The following KCNK6 variants were observed in gnomAD, a reference collection of about 807,000 sequenced individuals.
KCNK6 encodes the protein potassium two pore domain channel subfamily K member 6.
In KCNK6, 20 loss-of-function variants were observed where a neutral mutation model predicts 21.9. That is an observed-to-expected ratio of 0.91 (90% CI 0.64 to 1.32). KCNK6 has a LOEUF of 1.32. KCNK6 is among the 40% of genes most tolerant of loss of function. KCNK6 has a pLI of 0.00. For missense variants in KCNK6, 415 were observed against 433.1 expected (o/e 0.96, Z 0.37); for synonymous variants, 210 against 218.0 (o/e 0.96, Z 0.32).
rs536192999 is a variant in KCNK6, at chr19:38,325,406, C to T, written c.323-1187C>T. On this transcript the variant is annotated intron_variant, in intron 1 of 2. Transcript: ENST00000263372. ...CTGGGATTACAGACCTGAGCCACCA[C>T]GCCTGGCCCATTGTCTCGCCCATTT... 99 of 985,562 alleles carry T rather than the reference C, an allele frequency of 1.0e-4. No homozygotes were observed. The African/African-American group carries it at 1.6e-3, about 16-fold the overall frequency. The allele number at this position is 985,562 out of a possible 1,614,324, so 61.1% of individuals were successfully genotyped here.
intron 1 of KCNK6, among the ~76,000 whole-genome samples, chr19:38,324,426 C>G (rs1190157762): frequency 6.6e-6 from 1 of 151,922 alleles, no homozygotes; most frequent in Non-Finnish European, 1.5e-5. Flanking sequence ...GACCTAGGCT[C>G]CTTCTCAGCA....
rs1175417250 is a variant in KCNK6 at position 38,328,405 on chromosome 19, T to G, written c.*1002T>G. On this transcript the variant is annotated 3_prime_UTR_variant, in exon 3 of 3. Transcript: ENST00000263372. ...ACACCATTGTAAGAGCTGTCCACAT[T>G]TGTATGTTGTGCCCTGGAATCAGCC... 5 of 152,252 alleles carry G rather than the reference T, an allele frequency of 3.3e-5. No individual in the cohort carries two copies. Among genetic ancestry groups the G allele is most frequent in the Non-Finnish European group, 7.3e-5 (5 of 68,094 alleles). The allele number at this position is 152,252 out of a possible 1,614,324, so 9.4% of individuals were successfully genotyped here.
chr19:38,324,935 C>T (rs1969691097), intron 1 of KCNK6: 1 of 151,736 alleles, frequency 6.6e-6, no homozygotes, highest in Non-Finnish European at 1.5e-5. Context: ...GTAAAATACA[C>T]ATAACATAAA....
chr19:38,325,482 A>T (rs576733660), intron 1 of KCNK6: 2 of 985,418 alleles, frequency 2.0e-6, no homozygotes, highest in African/African-American at 1.7e-5. Flanking sequence ...TGCACCCTTC[A>T]TTCTTTGTTT....
chr19:38,326,834 G>A lies in KCNK6; in HGVS notation c.564G>A (p.Pro188=), dbSNP rs766089928. The A allele has an allele frequency of 1.7e-5, 28 of 1,610,186 alleles. No individual in the cohort carries two copies. The Admixed American group carries it at 2.2e-4, about 12-fold the overall frequency. The change falls in exon 2 of 3, where the codon CCG becomes CCA. Residue 188 remains proline, a synonymous_variant. Transcript: ENST00000263372. ...GVVVTVCFLV[P]AVIFAHLEEA... ...TAGTGACCGTCTGCTTTCTGGTGCC[G>A]GCTGTGATCTTTGCCCACCTCGAGG...
intron 1 of KCNK6, among the ~76,000 whole-genome samples, chr19:38,322,405 AG>A (rs1969660829): frequency 6.6e-6 from 1 of 152,236 alleles, no homozygotes; most frequent in Admixed American, 6.5e-5. Context: ...AAGTAGAATA[AG>A]GGAGTCAGTG....
chr19:38,328,438 G>C lies in KCNK6; in HGVS notation c.*1035G>C, dbSNP rs567098588. The C allele has an allele frequency of 6.6e-6, 1 of 152,380 alleles. No homozygotes were observed. Among genetic ancestry groups the C allele is most frequent in the Non-Finnish European group, 1.5e-5 (1 of 68,078 alleles). The allele number at this position is 152,380 out of a possible 1,614,324, so 9.4% of individuals were successfully genotyped here. Reference sequence around the variant, plus strand: ...TGTGCCCTGGAATCAGCCTGGTTGAGCTCAAATCCCAACTTAGCCACGTCT... The same window carrying C: ...TGTGCCCTGGAATCAGCCTGGTTGACCTCAAATCCCAACTTAGCCACGTCT... On this transcript the variant is annotated 3_prime_UTR_variant, in exon 3 of 3. Transcript: ENST00000263372.
At chr19:38,326,493 G>A in intron 1 of KCNK6, 100 bp from the exon 2 acceptor site, 1 of 1,368,638 alleles carries the variant, frequency 7.3e-7, no homozygotes, top group Non-Finnish European at 9.9e-7. Context: ...CAAGACTGCA[G>A]TAAGCTATGA....
In KCNK6 at chr19:38,320,038, G is replaced by T; in HGVS notation, c.88G>T (p.Gly30Trp). The T allele has an allele frequency of 6.7e-7, 1 of 1,500,798 alleles. No individual in the cohort carries two copies. The highest frequency in any genetic ancestry group is 2.7e-5 in the East Asian group (1 of 36,894). 93.0% of individuals were successfully genotyped at this position (1,500,798 alleles called of 1,614,324 possible). The change falls in exon 1 of 3, where the codon GGG (glycine) becomes TGG (tryptophan). Residue 30 changes from glycine to tryptophan, a missense_variant. Physicochemically the swap from Gly to Trp is radical, Grantham distance 184 (BLOSUM62 -2). Transcript: ENST00000263372. ...CGCGCTGTTGGTGGCGCGGCTGGAG[G>T]GGCCGCACGAAGCCAGGCTCCGAGC... ...LGALLVARLE[G>W]PHEARLRAEL...
In KCNK6 at chr19:38,324,383, G is replaced by C. The variant is rs142045026; in HGVS notation, c.323-2210G>C. Among the ~76,000 whole-genome samples the C allele has an allele frequency of 4.5e-3, 679 of 152,306 alleles. 6 individuals are homozygous for C. The highest frequency in any genetic ancestry group is 0.015 in the African/African-American group (637 of 41,570). On this transcript the variant is annotated intron_variant, in intron 1 of 2. Coordinates refer to ENST00000263372, the MANE Select transcript of KCNK6 (RefSeq NM_004823.3). ...AAGTGTATTTCTTGTTCACATTCCAGGTAGTCAGTCCAAGTCGTACTGCAT... is the reference window on the plus strand; with the variant it reads ...AAGTGTATTTCTTGTTCACATTCCACGTAGTCAGTCCAAGTCGTACTGCAT...
intron 1 of KCNK6, among the ~76,000 whole-genome samples, chr19:38,321,622 T>C (rs1046886499): frequency 1.3e-5 from 2 of 152,234 alleles, no homozygotes; most frequent in African/African-American, 4.8e-5. Context: ...TGTTGGGGAT[T>C]TGTTGAGGAG....
At chr19:38,320,919 G>C (rs1162807833) in intron 1 of KCNK6, among the ~76,000 whole-genome samples, 1 of 152,042 alleles carries the variant, frequency 6.6e-6, no homozygotes, top group Non-Finnish European at 1.5e-5. Context: ...TCTAAGCCTA[G>C]GACTGTCCTC....
At position 38,327,758 on chromosome 19, in the gene KCNK6, A is replaced by G; in HGVS notation, c.*355A>G. 3.8e-6 allele frequency: 1 copy of G among 266,088 alleles called. No individual in the cohort carries two copies. Among genetic ancestry groups the G allele is most frequent in the Non-Finnish European group, 7.3e-6 (1 of 136,338 alleles). 16.5% of individuals were successfully genotyped at this position (266,088 alleles called of 1,614,324 possible). A position where few individuals can be genotyped will look rare whatever the true frequency, so the allele number is the denominator to read the frequency against. The stretch of plus-strand genomic sequence containing the variant: ...TTCCGTCTGTGTCTCTCAATTAACC[A>G]CTCGTCAACTGCTGATTCTACTGGG... On this transcript the variant is annotated 3_prime_UTR_variant, in exon 3 of 3. Coordinates refer to ENST00000263372, the MANE Select transcript of KCNK6 (RefSeq NM_004823.3).
intron 1 of KCNK6, among the ~76,000 whole-genome samples, chr19:38,320,851 A>C (rs1969644127): frequency 6.6e-6 from 1 of 151,986 alleles, no homozygotes. Flanking sequence ...GAGCCACTGC[A>C]CTGGGACTGC....
In KCNK6 at chr19:38,326,782, G is replaced by T. The variant is rs534597055; in HGVS notation, c.512G>T (p.Trp171Leu). ...TGGGACCCCCGGCGGGCGGCCTGCT[G>T]GCACTTGGTGGCCCTGTTGGGGGTC... ...WGWDPRRAAC[W>L]HLVALLGVVV... Residue 171 changes from tryptophan (W) to leucine (L), a missense_variant, in exon 2 of 3, where the codon TGG (tryptophan) becomes TTG (leucine). Transcript: ENST00000263372. 1 of 1,605,432 alleles carries T rather than the reference G, an allele frequency of 6.2e-7. No homozygotes were observed. Among genetic ancestry groups the T allele is most frequent in the Admixed American group, 1.7e-5 (1 of 60,028 alleles).
At chr19:38,321,458 C>T (rs1209235135) in intron 1 of KCNK6, among the ~76,000 whole-genome samples, 6 of 152,256 alleles carry the variant, frequency 3.9e-5, no homozygotes, top group Admixed American at 2.0e-4. Flanking sequence ...CCCAATTCAG[C>T]AGCCCCAGCT....
At position 38,330,628 on chromosome 19, in the gene KCNK6, CA is replaced by C. The variant is rs57498193; in HGVS notation, c.*3238del. On this transcript the variant is annotated 3_prime_UTR_variant, in exon 3 of 3. Coordinates refer to ENST00000263372, the MANE Select transcript of KCNK6 (RefSeq NM_004823.3). ...TGGGTGACAGAGCAAGACCCTGTCT[CA>C]AAAAAAAAAAAAGAAAAGAAAAAGA... is the stretch of plus-strand genomic sequence containing the variant. The C allele has an allele frequency of 0.13, 13,666 of 104,910 alleles. 983 individuals are homozygous for C. The highest frequency in any genetic ancestry group is 0.4 in the East Asian group (1,712 of 4,278). The allele number at this position is 104,910 out of a possible 1,614,324, so 6.5% of individuals were successfully genotyped here.
chr19:38,321,966 TA>T (rs1568364793), intron 1 of KCNK6, among the ~76,000 whole-genome samples: 1 of 152,234 alleles, frequency 6.6e-6, no homozygotes, highest in Non-Finnish European at 1.5e-5. Flanking sequence ...CCCCCATTGC[TA>T]AAATGGAGAT....
chr19:38,327,667 C>G lies in KCNK6; in HGVS notation c.*264C>G. The G allele has an allele frequency of 1.9e-6, 1 of 517,020 alleles. No individual in the cohort carries two copies. The allele number at this position is 517,020 out of a possible 1,614,324, so 32.0% of individuals were successfully genotyped here. On this transcript the variant is annotated 3_prime_UTR_variant, in exon 3 of 3. Transcript: ENST00000263372. ...TCCTCTTTACACTGTGTCTCTCTGG[C>G]TCTCTGGCATTCTCGCTGCCTCTGT...
Sources: allele counts gnomAD v4.1 joint callset (sites outside exome capture counted in the v4.1 genomes callset), GRCh38; gene constraint gnomAD v4.1.1; transcripts MANE v1.5; gene names NCBI Gene and HGNC (gene_info 2026-07-23, HGNC 2026-07-21).